DAPK2: variants seen among roughly 807,000 people sequenced by gnomAD.
DAPK2 encodes the protein death-associated protein kinase 2.
DAPK2 carries 35 observed loss-of-function variants against 44.1 expected under a neutral mutation model. The observed-to-expected ratio is 0.79, with a 90% CI of 0.61 to 1.05. The LOEUF is 1.05. Ranked by LOEUF, DAPK2 falls within the 50% of genes least tolerant of loss-of-function variation. The pLI is 0.00. For missense variants in DAPK2, 453 were observed against 483.2 expected (o/e 0.94, Z 0.59); for synonymous variants, 174 against 182.6 (o/e 0.95, Z 0.38).
In DAPK2 at chr15:63,923,451, C is replaced by T. The variant is rs1308034835; in HGVS notation, c.858+1365G>A. On this transcript the variant is annotated intron_variant, in intron 8 of 10. Coordinates refer to ENST00000261891, the Ensembl canonical transcript of DAPK2. This position sits in a 1 kb window ranked among gnomAD's most constrained non-coding sequence, Gnocchi z 4.2. ...CACAAGCGGCCTCTGGCATTCACTG[C>T]ATGCGTCAGGCCATGGGGAGAACCA... The T allele has an allele frequency of 3.4e-6, 5 of 1,464,826 alleles. No individual in the cohort carries two copies. The Admixed American group carries it at 9.4e-5, about 27-fold the overall frequency. The allele number at this position is 1,464,826 out of a possible 1,614,324, so 90.7% of individuals were successfully genotyped here. A position where few individuals can be genotyped will look rare whatever the true frequency, so the allele number is the denominator to read the frequency against.
At chr15:64,040,897 G>GAA (rs3056980), upstream of DAPK2, among the ~76,000 whole-genome samples, 3,901 of 83,258 alleles carry the variant, frequency 0.047, 235 homozygotes, top group African/African-American at 0.11. Context: ...CTGGGCAACA[G>GAA]AAAAAAAAAA....
intron 1 of DAPK2, among the ~76,000 whole-genome samples, chr15:64,001,388 T>G (rs1422601417): frequency 6.6e-6 from 1 of 151,958 alleles, no homozygotes; most frequent in African/African-American, 2.4e-5. Context: ...CCTTCCTTCC[T>G]CCTCCTACCC....
chr15:64,009,419 T>C (rs1209460875), intron 1 of DAPK2, among the ~76,000 whole-genome samples: 1 of 152,014 alleles, frequency 6.6e-6, no homozygotes, highest in Non-Finnish European at 1.5e-5. Context: ...AAGATTATTT[T>C]CTCCTTCCCA....
chr15:63,976,299 T>C (rs901834924), intron 2 of DAPK2, among the ~76,000 whole-genome samples: 1 of 152,244 alleles, frequency 6.6e-6, no homozygotes, highest in South Asian at 2.1e-4. Flanking sequence ...GAATTTTAAC[T>C]TTTATTTAAT....
chr15:64,021,087 T>C (rs2079668344), intron 1 of DAPK2, among the ~76,000 whole-genome samples: 1 of 152,218 alleles, frequency 6.6e-6, no homozygotes, highest in Non-Finnish European at 1.5e-5. Flanking sequence ...CTAGAACATC[T>C]ATGGCAACAG....
chr15:64,020,697 G>A lies in DAPK2; in HGVS notation c.92+19473C>T, dbSNP rs544459610. Among the ~76,000 whole-genome samples the A allele has an allele frequency of 4.2e-4, 64 of 152,312 alleles. No individual in the cohort carries two copies. Among genetic ancestry groups the A allele is most frequent in the African/African-American group, 1.2e-3 (48 of 41,570 alleles). ...AAATGTAGGAGAATCATGGAATGAC[G>A]TCAGGGTAGCCCCTTGACAGCAGGC... is the stretch of plus-strand genomic sequence containing the variant. On this transcript the variant is annotated intron_variant, in intron 1 of 10. Transcript: ENST00000261891. This position sits in a 1 kb window ranked among gnomAD's most constrained non-coding sequence, Gnocchi z 4.5.
rs182031981 is a variant in DAPK2 at position 63,929,258 on chromosome 15, G to A, written c.659+293C>T. 3.3e-5 allele frequency among the ~76,000 whole-genome samples: 5 copies of A among 152,216 alleles called. No homozygotes were observed. In the East Asian group the frequency reaches 7.7e-4, roughly 24 times the overall value. On this transcript the variant is annotated intron_variant, in intron 6 of 10. Coordinates refer to ENST00000261891, the Ensembl canonical transcript of DAPK2. ...GACATTCTCCAGTATACCTCAGTCT[G>A]GGGGAGGGTGAGCAGGGGAGCCCTG...
chr15:63,959,774 G>A (rs555927755), intron 3 of DAPK2, among the ~76,000 whole-genome samples: 1 of 152,198 alleles, frequency 6.6e-6, no homozygotes, highest in South Asian at 2.1e-4. Flanking sequence ...TTATTGAGGA[G>A]TTTTGCATCG....
chr15:63,915,769 C>T (rs181249111), intron 8 of DAPK2, among the ~76,000 whole-genome samples: 4 of 152,312 alleles, frequency 2.6e-5, no homozygotes, highest in Admixed American at 2.6e-4. Flanking sequence ...CAGCATGGGG[C>T]TATCATTCTG....
At chr15:63,962,397 G>A (rs2077929512) in intron 3 of DAPK2, among the ~76,000 whole-genome samples, 1 of 152,234 alleles carries the variant, frequency 6.6e-6, no homozygotes, top group Non-Finnish European at 1.5e-5. Context: ...CTGGCGAGGA[G>A]CTGCGTTCCT....
intron 1 of DAPK2, among the ~76,000 whole-genome samples, chr15:64,007,982 CAGAA>C (rs2079280806): frequency 2.0e-5 from 3 of 152,204 alleles, no homozygotes; most frequent in Middle Eastern, 6.8e-3. Context: ...AATCCACAGA[CAGAA>C]GGAAGATTAG....
At chr15:63,996,724 AG>A (rs1193574039) in intron 1 of DAPK2, among the ~76,000 whole-genome samples, 1 of 152,224 alleles carries the variant, frequency 6.6e-6, no homozygotes, top group Admixed American at 6.5e-5. Context: ...AACGGAGCTT[AG>A]CCCATTTCAC....
At chr15:63,913,919 C>A (rs1290414967) in intron 8 of DAPK2, among the ~76,000 whole-genome samples, 2 of 152,226 alleles carry the variant, frequency 1.3e-5, no homozygotes, top group East Asian at 3.8e-4. Context: ...AGAGGAATCA[C>A]CCCACTCCTG....
chr15:64,027,918 A>G (rs1489033951), intron 1 of DAPK2, among the ~76,000 whole-genome samples: 2 of 152,244 alleles, frequency 1.3e-5, no homozygotes, highest in African/African-American at 2.4e-5. Flanking sequence ...AATTAAACAA[A>G]TATGTTCACC....
At chr15:63,977,645 G>A (rs2078390485) in intron 2 of DAPK2, among the ~76,000 whole-genome samples, 1 of 152,180 alleles carries the variant, frequency 6.6e-6, no homozygotes, top group African/African-American at 2.4e-5. Context: ...TGGCAGTGGT[G>A]GAAGGGGGCT....
chr15:64,031,161 G>A (rs1358615531), intron 1 of DAPK2, among the ~76,000 whole-genome samples: 1 of 152,054 alleles, frequency 6.6e-6, no homozygotes, highest in Non-Finnish European at 1.5e-5. Flanking sequence ...TGGGAAATGG[G>A]AATGTGATCC....
At chr15:63,982,274 T>G (rs1439237378) in intron 2 of DAPK2, among the ~76,000 whole-genome samples, 1 of 134,028 alleles carries the variant, frequency 7.5e-6, no homozygotes, top group Non-Finnish European at 1.5e-5. Flanking sequence ...TACTGCAACC[T>G]CCGCCTCCCG....
intron 1 of DAPK2, among the ~76,000 whole-genome samples, chr15:64,008,476 G>A (rs1404463544): frequency 6.6e-6 from 1 of 152,146 alleles, no homozygotes; most frequent in Non-Finnish European, 1.5e-5. Flanking sequence ...CTGGGAATTT[G>A]GCCTCTAGAG....
At chr15:63,959,379 TTC>T (rs1391818644) in intron 3 of DAPK2, among the ~76,000 whole-genome samples, 1 of 152,336 alleles carries the variant, frequency 6.6e-6, no homozygotes. Flanking sequence ...TGGCCAGAAC[TTC>T]CAACACTATG....
Sources: gnomAD v4.1 joint callset for allele counts (sites outside exome capture counted in the v4.1 genomes callset) on GRCh38, gnomAD v4.1.1 for gene constraint, Gnocchi (gnomAD v3.1) non-coding constraint, MANE v1.5 for transcripts, NCBI Gene and HGNC (gene_info 2026-07-23, HGNC 2026-07-21) for gene names.